The following PIK3R1 variants were observed in gnomAD, a reference collection of about 807,000 sequenced individuals.
PIK3R1 encodes the protein phosphatidylinositol 3-kinase regulatory subunit alpha.
PIK3R1 carries 29 observed loss-of-function variants against 98.0 expected under a neutral mutation model. The observed-to-expected ratio is 0.30, with a 90% CI of 0.22 to 0.40. The LOEUF is 0.40. PIK3R1 is among the 10% of genes least tolerant of loss of function. PIK3R1 has a pLI of 1.00. For missense variants in PIK3R1, 596 were observed against 872.7 expected, an observed-to-expected ratio of 0.68 and a Z score of 3.99; for synonymous variants, 282 against 311.8, an observed-to-expected ratio of 0.90 and a Z score of 1.01.
chr5:68,300,921 C>T lies in PIK3R1; in HGVS notation c.*3320C>T. The T allele has an allele frequency of 4.3e-6, 1 of 233,318 alleles. No individual in the cohort carries two copies. Among genetic ancestry groups the T allele is most frequent in the Non-Finnish European group, 8.5e-6 (1 of 117,974 alleles). 14.5% of individuals were successfully genotyped at this position (233,318 alleles called of 1,614,324 possible). A position where few individuals can be genotyped will look rare whatever the true frequency, so the allele number is the denominator to read the frequency against. ...TGCTTAGCTTGGAAATCCTTGTTTT[C>T]AGTGTGTCGAGTCAAAATGTGTTTA... On this transcript the variant is annotated 3_prime_UTR_variant, in exon 16 of 16. Coordinates refer to ENST00000521381, the MANE Select transcript of PIK3R1 (RefSeq NM_181523.3).
intron 2 of PIK3R1, among the ~76,000 whole-genome samples, chr5:68,235,003 A>C (rs192182321): frequency 6.6e-6 from 1 of 152,192 alleles, no homozygotes; most frequent in Non-Finnish European, 1.5e-5. Context: ...AGAACTACTC[A>C]AGGGTGTAAT....
chr5:68,265,198 A>G (rs569460303), intron 2 of PIK3R1, among the ~76,000 whole-genome samples: 50 of 146,626 alleles, frequency 3.4e-4, no homozygotes, highest in Non-Finnish European at 6.9e-4. Context: ...GGCTGTTAAT[A>G]TGTACATTAA....
intron 2 of PIK3R1, among the ~76,000 whole-genome samples, chr5:68,268,483 A>T (rs1027872245): frequency 6.6e-6 from 1 of 152,200 alleles, no homozygotes; most frequent in African/African-American, 2.4e-5. Flanking sequence ...TGCCCACCAG[A>T]ATATACATTT....
intron 1 of PIK3R1, among the ~76,000 whole-genome samples, chr5:68,216,916 C>T (rs572925807): frequency 1.3e-5 from 2 of 152,228 alleles, no homozygotes; most frequent in South Asian, 4.1e-4. Context: ...ATGGCTGTTA[C>T]GTGTTGAATG....
At chr5:68,292,649 A>C (rs1452293663) in intron 8 of PIK3R1, 2 of 1,351,184 alleles carry the variant, frequency 1.5e-6, no homozygotes, top group East Asian at 6.7e-5. Flanking sequence ...CTATCTATTA[A>C]GCACAACTCT....
In PIK3R1 at chr5:68,265,304, C is replaced by T. The variant is rs1050747181; in HGVS notation, c.335-8086C>T. ...AAATACTTACAGAATTTGTGTTTGA[C>T]ATTGACATTTTCTAGACAAGGTTCC... is the stretch of plus-strand genomic sequence containing the variant. On this transcript the variant is annotated intron_variant, in intron 2 of 15. Coordinates refer to ENST00000521381, the MANE Select transcript of PIK3R1 (RefSeq NM_181523.3). Among the ~76,000 whole-genome samples, 13 of 152,200 alleles carry T rather than the reference C, an allele frequency of 8.5e-5. 1 individual carries two copies. The highest frequency in any genetic ancestry group is 3.1e-4 in the African/African-American group (13 of 41,448).
At chr5:68,287,300 GT>G (rs1480802908) in intron 7 of PIK3R1, among the ~76,000 whole-genome samples, 1 of 152,040 alleles carries the variant, frequency 6.6e-6, no homozygotes, top group African/African-American at 2.4e-5. Context: ...ATTAACTTCA[GT>G]TTTGTCCATT....
chr5:68,269,559 A>C (rs1014608627), intron 2 of PIK3R1, among the ~76,000 whole-genome samples: 2 of 152,190 alleles, frequency 1.3e-5, no homozygotes, highest in African/African-American at 4.8e-5. Context: ...ACACCTTGCC[A>C]AATTTGGTAA....
intron 15 of PIK3R1, 80 bp from the exon 16 acceptor site, chr5:68,297,331 GC>G: frequency 8.3e-7 from 1 of 1,202,726 alleles, no homozygotes; most frequent in Middle Eastern, 2.0e-4. Flanking sequence ...GCACAATAAT[GC>G]TTTTTATTAA....
At position 68,293,342 on chromosome 5, in the gene PIK3R1, A is replaced by T. The variant is rs1747496868; in HGVS notation, c.1158A>T (p.Arg386=). 1 of 1,612,936 alleles carries T rather than the reference A, an allele frequency of 6.2e-7. No individual in the cohort carries two copies. The highest frequency in any genetic ancestry group is 1.7e-5 in the Admixed American group (1 of 59,960). The change falls in exon 10 of 16, where the codon CGA becomes CGT. Residue 386 remains arginine (R), a synonymous_variant. Transcript: ENST00000521381. ...ACAAATTAATCAAAATATTTCATCG[A>T]GATGGGAAATATGGCTTCTCTGACC... ...GNNKLIKIFH[R]DGKYGFSDPL... is the part of the protein sequence containing the mutation.
At chr5:68,236,122 C>CG (rs1379189928) in intron 2 of PIK3R1, among the ~76,000 whole-genome samples, 1 of 151,956 alleles carries the variant, frequency 6.6e-6, no homozygotes, top group Non-Finnish European at 1.5e-5. Flanking sequence ...CCACCCACCT[C>CG]GGCCTCCTAA....
Position 68,272,248 on chromosome 5 carries a change from G to A in PIK3R1, c.335-1142G>A, listed in dbSNP as rs867674345. On this transcript the variant is annotated intron_variant, in intron 2 of 15. Transcript: ENST00000521381. ...AGCCTGGGTGACAGAGCGAGACCCT[G>A]TCTCAAAAAAAAAAAAAAAAAAGAA... Among the ~76,000 whole-genome samples, 18 of 103,608 alleles carry A rather than the reference G, an allele frequency of 1.7e-4. No individual in the cohort carries two copies. The Admixed American group carries it at 1.8e-3, about 10-fold the overall frequency. 68.0% of individuals were successfully genotyped at this position (103,608 alleles called of 152,430 possible).
At chr5:68,295,358 AATTGGTGATTGCTACAAT>A (rs1327855284) in intron 13 of PIK3R1, 34 bp downstream of exon 13, 1 of 1,612,636 alleles carries the variant, frequency 6.2e-7, no homozygotes, top group South Asian at 1.1e-5. Flanking sequence ...ATACATGAAT[AATTGGTGATTGCTACAAT>A]TCAGGATGAG....
At chr5:68,271,454 AAC>A (rs1746356636) in intron 2 of PIK3R1, among the ~76,000 whole-genome samples, 1 of 152,234 alleles carries the variant, frequency 6.6e-6, no homozygotes, top group Non-Finnish European at 1.5e-5. Flanking sequence ...TGGGATCTCT[AAC>A]ACAAAGCTGA....
intron 4 of PIK3R1, among the ~76,000 whole-genome samples, chr5:68,275,664 T>TA (rs200146317): frequency 0.013 from 1,925 of 151,892 alleles, 24 homozygotes; most frequent in Non-Finnish European, 0.015. Flanking sequence ...GAGTCTGTGC[T>TA]AAAAAAAAGT....
intron 2 of PIK3R1, among the ~76,000 whole-genome samples, chr5:68,262,058 A>G (rs1033202570): frequency 6.6e-6 from 1 of 152,152 alleles, no homozygotes; most frequent in Admixed American, 6.5e-5. Flanking sequence ...AGTCACTGCT[A>G]CTTTTTCATT....
intron 2 of PIK3R1, among the ~76,000 whole-genome samples, chr5:68,253,155 A>G (rs1293074762): frequency 1.3e-5 from 2 of 152,226 alleles, no homozygotes; most frequent in Non-Finnish European, 2.9e-5. Flanking sequence ...TACCTTAGCT[A>G]AAGAATTAAT....
At position 68,273,403 on chromosome 5, in the gene PIK3R1, GGATCTTGCA is replaced by G; in HGVS notation, c.351_359del (p.Asp117_Ala119del). ...TGTTGTTTGCAGCTTTGACTCTCCC[GGATCTTGCA>G]GAGCAGTTTGCCCCTCCTGACATTG... On this transcript the variant is annotated inframe_deletion, in exon 3 of 16. Transcript: ENST00000521381. The G allele has an allele frequency of 6.2e-7, 1 of 1,613,960 alleles. No homozygotes were observed. Among genetic ancestry groups the G allele is most frequent in the South Asian group, 1.1e-5 (1 of 91,084 alleles).
chr5:68,299,226 GAA>G lies in PIK3R1; in HGVS notation c.*1634_*1635del. 1 of 218,558 alleles carries G rather than the reference GAA, an allele frequency of 4.6e-6. No homozygotes were observed. The highest frequency in any genetic ancestry group is 9.1e-6 in the Non-Finnish European group (1 of 110,016). 13.5% of individuals were successfully genotyped at this position (218,558 alleles called of 1,614,324 possible). A position where few individuals can be genotyped will look rare whatever the true frequency, so the allele number is the denominator to read the frequency against. Reference sequence around the variant, plus strand: ...CATGACCAGCAAATACTCATTTTAGGAAAAAAAAAAGCATGATCTGAAAAATA... The same window carrying G: ...CATGACCAGCAAATACTCATTTTAGGAAAAAAAAGCATGATCTGAAAAATA... On this transcript the variant is annotated 3_prime_UTR_variant, in exon 16 of 16. Coordinates refer to ENST00000521381, the MANE Select transcript of PIK3R1 (RefSeq NM_181523.3).
Sources: gnomAD v4.1 joint callset for allele counts (sites outside exome capture counted in the v4.1 genomes callset) on GRCh38, gnomAD v4.1.1 for gene constraint, MANE v1.5 for transcripts, NCBI Gene and HGNC (gene_info 2026-07-23, HGNC 2026-07-21) for gene names.